The following ZNF644 variants were observed in gnomAD, a reference collection of about 807,000 sequenced individuals.
ZNF644 encodes zinc finger motif enhancer binding protein 2.
In ZNF644, 20 loss-of-function variants were observed where a neutral mutation model predicts 108.0. That is an observed-to-expected ratio of 0.19 (90% CI 0.13 to 0.27). ZNF644 has a LOEUF of 0.27. ZNF644 is among the 10% of genes least tolerant of loss of function. The probability of loss-of-function intolerance (pLI) is 1.00; values close to 1 mark genes in which losing one functional copy is unlikely to be tolerated. For missense variants in ZNF644, 1,338 were observed against 1,548.9 expected (o/e 0.86, Z 2.29); for synonymous variants, 542 against 539.1 (o/e 1.01, Z -0.08).
chr1:90,922,620 C>A (rs1325603006), intron 4 of ZNF644, among the ~76,000 whole-genome samples: 3 of 152,010 alleles, frequency 2.0e-5, no homozygotes, highest in African/African-American at 7.2e-5. Context: ...TTCAGGGGTA[C>A]ACGTGCAGGT....
rs143494040 is a variant in ZNF644 at position 91,019,122 on chromosome 1, G to C, written c.-18+2868C>G. 5.0e-3 allele frequency among the ~76,000 whole-genome samples: 764 copies of C among 152,200 alleles called. 20 individuals carry two copies. Among genetic ancestry groups the C allele is most frequent in the Admixed American group, 0.044 (679 of 15,286 alleles). On this transcript the variant is annotated intron_variant, in intron 1 of 5. Coordinates refer to ENST00000337393, the MANE Select transcript of ZNF644 (RefSeq NM_201269.3). ...CTTTTTGCTAAATCTGACATTCAAAGAAGTTAAAAATCACTATAGGGTTCC... is the reference window on the plus strand; with the variant it reads ...CTTTTTGCTAAATCTGACATTCAAACAAGTTAAAAATCACTATAGGGTTCC...
Position 90,937,830 on chromosome 1 carries a change from C to T in ZNF644, c.3343G>A (p.Asp1115Asn), listed in dbSNP as rs755081961. Residue 1115 changes from aspartate (D) to asparagine (N), a missense_variant, in exon 4 of 6, where the codon GAT (aspartate) becomes AAT (asparagine). Transcript: ENST00000337393. ...ATAACATTTTGAGATATAAAGTCAT[C>T]ACTTGATGCAAGTTTTTGAGCTACA... ...PFVAQKLASS[D>N]DFISQNVIPL... 3.1e-6 allele frequency: 5 copies of T among 1,613,864 alleles called. No homozygotes were observed. The highest frequency in any genetic ancestry group is 4.2e-6 in the Non-Finnish European group (5 of 1,179,874).
intron 5 of ZNF644, 78 bp from the exon 6 acceptor site, chr1:90,917,068 A>C: frequency 7.0e-7 from 1 of 1,420,472 alleles, no homozygotes; most frequent in Non-Finnish European, 9.9e-7. Context: ...CCTAAAACAT[A>C]AGGAATAAAC....
chr1:90,992,753 C>G (rs868062545), intron 1 of ZNF644, among the ~76,000 whole-genome samples: 1 of 152,280 alleles, frequency 6.6e-6, no homozygotes, highest in East Asian at 1.9e-4. Context: ...TTTCTCTCAT[C>G]AAGAGGTGGT....
intron 1 of ZNF644, chr1:91,021,635 C>A (rs1286382864): frequency 3.3e-4 from 2 of 6,070 alleles, no homozygotes; most frequent in Non-Finnish European, 9.8e-4. Flanking sequence ...CAGCGGAAAG[C>A]CCCCCCCCCA....
chr1:90,964,786 T>C (rs528605733), intron 2 of ZNF644, among the ~76,000 whole-genome samples: 138 of 152,290 alleles, frequency 9.1e-4, no homozygotes, highest in Non-Finnish European at 1.6e-3. Flanking sequence ...ACTTTAAAAA[T>C]AGAAGAGGTC....
intron 4 of ZNF644, among the ~76,000 whole-genome samples, chr1:90,927,208 C>G (rs561232255): frequency 2.0e-5 from 3 of 151,970 alleles, no homozygotes; most frequent in Non-Finnish European, 4.4e-5. Flanking sequence ...CAGTATTTCA[C>G]GCATACCTCT....
chr1:90,953,170 A>T (rs1359125464), intron 2 of ZNF644, among the ~76,000 whole-genome samples: 2 of 151,982 alleles, frequency 1.3e-5, no homozygotes, highest in Non-Finnish European at 2.9e-5. Context: ...ACTACCAAAC[A>T]TCTCCCCCCC....
chr1:90,966,987 C>T (rs1402175395), intron 2 of ZNF644, among the ~76,000 whole-genome samples: 2 of 152,132 alleles, frequency 1.3e-5, no homozygotes, highest in African/African-American at 4.8e-5. Flanking sequence ...GTTCCCCTTT[C>T]TAATCATTTT....
rs1483630736 is a variant in ZNF644 at position 90,969,848 on chromosome 1, T to C, written c.44+12462A>G. Among the ~76,000 whole-genome samples, 5 of 152,210 alleles carry C rather than the reference T, an allele frequency of 3.3e-5. No homozygotes were observed. The East Asian group carries it at 9.6e-4, about 29-fold the overall frequency. ...AGGTTTTCGCATCCACTGGAGGTAC[T>C]GGAATGTATCCCCCACGGATTAGGT... On this transcript the variant is annotated intron_variant, in intron 2 of 5. Transcript: ENST00000337393.
At chr1:90,996,451 TG>T (rs1322736368) in intron 1 of ZNF644, among the ~76,000 whole-genome samples, 2 of 152,184 alleles carry the variant, frequency 1.3e-5, no homozygotes, top group Non-Finnish European at 1.5e-5. Context: ...CATCTTATCT[TG>T]CCCTATTCCC....
intron 1 of ZNF644, among the ~76,000 whole-genome samples, chr1:91,008,284 ACTTGTT>A (rs1415388969): frequency 1.3e-5 from 2 of 152,272 alleles, no homozygotes; most frequent in South Asian, 2.1e-4. Context: ...AGTGTTGCTT[ACTTGTT>A]ATACAGACTT....
rs1648805390 is a variant in ZNF644 at position 90,916,704 on chromosome 1, A to G, written c.*94T>C. The G allele has an allele frequency of 2.2e-6, 3 of 1,383,336 alleles. No homozygotes were observed. Among genetic ancestry groups the G allele is most frequent in the Non-Finnish European group, 1.0e-6 (1 of 987,158 alleles). The allele number at this position is 1,383,336 out of a possible 1,614,324, so 85.7% of individuals were successfully genotyped here. ...CACTTTCCCCCCATTTTCCTGCTTT[A>G]GTATTTATAAACAGATAATTTAATG... On this transcript the variant is annotated 3_prime_UTR_variant, in exon 6 of 6. Coordinates refer to ENST00000337393, the MANE Select transcript of ZNF644 (RefSeq NM_201269.3).
Position 90,916,410 on chromosome 1 carries a change from C to A in ZNF644, c.*388G>T. 1 of 205,670 alleles carries A rather than the reference C, an allele frequency of 4.9e-6. No individual in the cohort carries two copies. The highest frequency in any genetic ancestry group is 1.0e-5 in the Non-Finnish European group (1 of 100,326). The allele number at this position is 205,670 out of a possible 1,614,324, so 12.7% of individuals were successfully genotyped here. ...AATACATACAAACAAAATATAATAT[C>A]TTATTTTTCTATGCAAGTCTTGTGG... On this transcript the variant is annotated 3_prime_UTR_variant, in exon 6 of 6. Transcript: ENST00000337393.
chr1:90,973,983 G>C (rs1655753804), intron 2 of ZNF644, among the ~76,000 whole-genome samples: 1 of 152,032 alleles, frequency 6.6e-6, no homozygotes, highest in East Asian at 1.9e-4. Flanking sequence ...TAAAATCTAG[G>C]AAAGTCATTC....
At chr1:90,948,191 G>C (rs916981818) in intron 2 of ZNF644, among the ~76,000 whole-genome samples, 8 of 152,252 alleles carry the variant, frequency 5.3e-5, no homozygotes, top group African/African-American at 1.9e-4. Context: ...TTAGAGCATA[G>C]AATCAGCACC....
intron 2 of ZNF644, among the ~76,000 whole-genome samples, chr1:90,975,429 A>G (rs1244496459): frequency 2.6e-5 from 4 of 151,126 alleles, no homozygotes; most frequent in Non-Finnish European, 4.4e-5. Context: ...AAAGTTTCAA[A>G]TATCTACTTT....
At chr1:90,961,941 C>T (rs1251209965) in intron 2 of ZNF644, among the ~76,000 whole-genome samples, 1 of 151,838 alleles carries the variant, frequency 6.6e-6, no homozygotes, top group East Asian at 1.9e-4. Flanking sequence ...AATTATCTGG[C>T]CCAAAATGTC....
At chr1:90,972,489 G>T (rs1655595013) in intron 2 of ZNF644, among the ~76,000 whole-genome samples, 1 of 152,182 alleles carries the variant, frequency 6.6e-6, no homozygotes. Context: ...AGGATGGAGA[G>T]AAACAGGAAC....
Sources: allele counts gnomAD v4.1 joint callset (sites outside exome capture counted in the v4.1 genomes callset), GRCh38; gene constraint gnomAD v4.1.1; transcripts MANE v1.5; gene names NCBI Gene and HGNC (gene_info 2026-07-23, HGNC 2026-07-21).